The following MEF2C variants were observed in gnomAD, a reference collection of about 807,000 sequenced individuals.
MEF2C encodes myocyte enhancer factor 2C.
A neutral mutation model predicts 50.5 loss-of-function variants in MEF2C; 6 were observed. The observed-to-expected ratio is 0.12, with a 90% CI of 0.07 to 0.23. The LOEUF (loss-of-function observed/expected upper bound fraction) is 0.23, where lower values mean the gene tolerates loss of function less well. MEF2C is among the 10% of genes least tolerant of loss of function. MEF2C has a pLI of 1.00. For missense variants in MEF2C, 276 were observed against 605.0 expected, an observed-to-expected ratio of 0.46 and a Z score of 5.70; for synonymous variants, 183 against 228.0, an observed-to-expected ratio of 0.80 and a Z score of 1.78.
chr5:88,869,262 T>C (rs1028165916), intron 1 of MEF2C, among the ~76,000 whole-genome samples: 4 of 72,972 alleles, frequency 5.5e-5, no homozygotes, highest in Admixed American at 5.0e-4. Context: ...CATATATATA[T>C]ATATATATAT....
chr5:88,874,780 A>G (rs904832771), intron 1 of MEF2C, among the ~76,000 whole-genome samples: 13 of 152,006 alleles, frequency 8.6e-5, no homozygotes, highest in Admixed American at 2.0e-4. Context: ...TAATTAGTGT[A>G]GTGGGTTAAC....
At chr5:88,900,085 A>T (rs1433178052) in intron 1 of MEF2C, among the ~76,000 whole-genome samples, 1 of 152,086 alleles carries the variant, frequency 6.6e-6, no homozygotes, top group Non-Finnish European at 1.5e-5. Flanking sequence ...ATAAATTCTT[A>T]TAAATTCAGA....
At chr5:88,737,731 C>T (rs1764725919) in intron 6 of MEF2C, 2 of 985,222 alleles carry the variant, frequency 2.0e-6, no homozygotes, top group Non-Finnish European at 2.4e-6. Context: ...GGGCATTCCT[C>T]TGAAGATGAA....
intron 1 of MEF2C, among the ~76,000 whole-genome samples, chr5:88,856,938 G>C (rs1375369059): frequency 1.3e-5 from 2 of 152,258 alleles, no homozygotes; most frequent in African/African-American, 4.8e-5. Flanking sequence ...GCAAAGCTGT[G>C]AGAAGAGAGC....
At chr5:88,828,280 ACTTAT>A (rs1446843652) in intron 1 of MEF2C, among the ~76,000 whole-genome samples, 1 of 152,014 alleles carries the variant, frequency 6.6e-6, no homozygotes, top group African/African-American at 2.4e-5. Flanking sequence ...CTTCTGCTAA[ACTTAT>A]CTTTGCAAAG....
rs571681345 is a variant in MEF2C at position 88,740,421 on chromosome 5, C to T, written c.638-8520G>A. The T allele has an allele frequency of 3.1e-5, 31 of 985,188 alleles. No individual in the cohort carries two copies. The East Asian group carries it at 1.4e-3, about 43-fold the overall frequency. The allele number at this position is 985,188 out of a possible 1,614,324, so 61.0% of individuals were successfully genotyped here. A position where few individuals can be genotyped will look rare whatever the true frequency, so the allele number is the denominator to read the frequency against. ...AGTCCATCAAGTAGGTTTGTGTTGG[C>T]GAACATTTTCTCATTTGTCCTAACT... On this transcript the variant is annotated intron_variant, in intron 6 of 10. Coordinates refer to ENST00000504921, the MANE Select transcript of MEF2C (RefSeq NM_002397.5).
chr5:88,748,988 T>C (rs529157982), intron 6 of MEF2C, 82 bp downstream of exon 6: 2 of 1,548,710 alleles, frequency 1.3e-6, no homozygotes, highest in South Asian at 1.2e-5. Context: ...ACTTTATTTG[T>C]TCAAAAGACT....
At position 88,850,405 on chromosome 5, in the gene MEF2C, T is replaced by C. The variant is rs532164724; in HGVS notation, c.-142-26475A>G. ...CCCATGGTAAGAGGTAGATCTAGGG[T>C]TTGAAGTTACAGGATCTGACTCCAG... is the stretch of plus-strand genomic sequence containing the variant. On this transcript the variant is annotated intron_variant, in intron 1 of 10. Coordinates refer to ENST00000504921, the MANE Select transcript of MEF2C (RefSeq NM_002397.5). Among the ~76,000 whole-genome samples the C allele has an allele frequency of 6.9e-4, 105 of 152,238 alleles. 1 individual carries two copies. Among genetic ancestry groups the C allele is most frequent in the Non-Finnish European group, 4.0e-4 (27 of 67,994 alleles).
intron 6 of MEF2C, chr5:88,742,783 A>T: frequency 5.1e-6 from 5 of 985,330 alleles, no homozygotes; most frequent in Non-Finnish European, 6.0e-6. Flanking sequence ...GTATCAAGGT[A>T]ATGGTTTATC....
intron 6 of MEF2C, 24 bp downstream of exon 6, chr5:88,749,046 C>A (rs747404300): frequency 1.3e-6 from 2 of 1,562,814 alleles, no homozygotes; most frequent in Non-Finnish European, 1.7e-6. Context: ...ATGATACATA[C>A]TGCAGTATGG....
intron 6 of MEF2C, chr5:88,738,319 C>A (rs778367839): frequency 8.1e-6 from 8 of 985,316 alleles, no homozygotes; most frequent in Non-Finnish European, 9.6e-6. Flanking sequence ...TATTTACCAA[C>A]AACACAACAT....
intron 1 of MEF2C, among the ~76,000 whole-genome samples, chr5:88,900,212 C>T (rs181174371): frequency 2.6e-5 from 4 of 151,668 alleles, no homozygotes; most frequent in African/African-American, 4.8e-5. Flanking sequence ...CAAATATTAT[C>T]AACAAATTAT....
chr5:88,744,287 C>T (rs1262732638), intron 6 of MEF2C, among the ~76,000 whole-genome samples: 2 of 152,242 alleles, frequency 1.3e-5, no homozygotes, highest in Non-Finnish European at 2.9e-5. Context: ...GGCATGGTGG[C>T]TCACGCCTGT....
chr5:88,847,946 T>G (rs1425252522), intron 1 of MEF2C, among the ~76,000 whole-genome samples: 1 of 152,182 alleles, frequency 6.6e-6, no homozygotes, highest in Admixed American at 6.6e-5. Context: ...AATGATTATC[T>G]AAATTACAAA....
chr5:88,722,658 T>C lies in MEF2C; in HGVS notation c.1368A>G (p.Glu456=), dbSNP rs1385998887. ...PIGLTRPSPD[E]RESPSVKRMR... is the part of the protein sequence containing the mutation. ...TGCGCTTGACTGAGGGACTTTCCCT[T>C]TCGTCCGGCGAAGGTCTGGTGAGTC... is the stretch of plus-strand genomic sequence containing the variant. Residue 456 remains glutamate, a synonymous_variant, in exon 11 of 11, where the codon GAA becomes GAG. Transcript: ENST00000504921. 2 of 1,613,888 alleles carry C rather than the reference T, an allele frequency of 1.2e-6. No homozygotes were observed. The highest frequency in any genetic ancestry group is 1.3e-5 in the African/African-American group (1 of 75,004).
intron 2 of MEF2C, among the ~76,000 whole-genome samples, chr5:88,806,552 T>C (rs1800514703): frequency 6.6e-6 from 1 of 150,904 alleles, no homozygotes; most frequent in Admixed American, 6.6e-5. Context: ...CCCCCACAAC[T>C]AAATAGATTT....
chr5:88,765,479 T>C (rs1779646290), intron 3 of MEF2C, among the ~76,000 whole-genome samples: 2 of 152,364 alleles, frequency 1.3e-5, no homozygotes, highest in South Asian at 4.1e-4. Flanking sequence ...TACAGCTGTT[T>C]AATGATAACA....
intron 3 of MEF2C, chr5:88,766,687 T>A: frequency 1.0e-6 from 1 of 985,410 alleles, no homozygotes; most frequent in Non-Finnish European, 1.2e-6. Flanking sequence ...ACCCCCAAAT[T>A]ACTCCTATTA....
intron 2 of MEF2C, among the ~76,000 whole-genome samples, chr5:88,814,364 C>G (rs1804325908): frequency 6.6e-6 from 1 of 151,766 alleles, no homozygotes; most frequent in African/African-American, 2.4e-5. Flanking sequence ...ATGACGGGGC[C>G]TGCCATCGTA....
Sources: allele counts gnomAD v4.1 joint callset (sites outside exome capture counted in the v4.1 genomes callset), GRCh38; gene constraint gnomAD v4.1.1; transcripts MANE v1.5; gene names NCBI Gene and HGNC (gene_info 2026-07-23, HGNC 2026-07-21).